Variants in ADAMTS13 observed in about 807,000 individuals in gnomAD.
The protein encoded by ADAMTS13 is ADAM metallopeptidase with thrombospondin type 1 motif 13.
Under a neutral mutation model 155.1 loss-of-function variants are expected in ADAMTS13, and 110 were observed. The observed-to-expected ratio is 0.71, with a 90% confidence interval of 0.61 to 0.83. The LOEUF is 0.83. Ranked by LOEUF, ADAMTS13 falls within the 40% of genes least tolerant of loss-of-function variation. The pLI is 0.00. For synonymous variants in ADAMTS13, 758 were observed against 756.4 expected (o/e 1.00, Z -0.03); for missense variants, 1,707 against 1,891.7 (o/e 0.90, Z 1.81).
chr9:133,432,220 G>A lies in ADAMTS13; in HGVS notation c.988-368G>A, dbSNP rs192382129. The stretch of plus-strand genomic sequence containing the variant: ...GCAGAGGTTGAGGTGAGCCAAGATC[G>A]CGCCATTGCCCTCCAGCCTGGGCAA... On this transcript the variant is annotated intron_variant, in intron 8 of 28. Transcript: ENST00000355699. Among the ~76,000 whole-genome samples, 737 of 152,226 alleles carry A rather than the reference G, an allele frequency of 4.8e-3. 4 individuals are homozygous for A. Among genetic ancestry groups the A allele is most frequent in the Non-Finnish European group, 5.6e-3 (378 of 68,018 alleles).
intron 11 of ADAMTS13, among the ~76,000 whole-genome samples, chr9:133,435,173 T>C (rs1217980627): frequency 6.6e-6 from 1 of 152,004 alleles, no homozygotes; most frequent in Admixed American, 6.6e-5. Context: ...GGGAATTGTA[T>C]GTTTGACTTT....
upstream of ADAMTS13, among the ~76,000 whole-genome samples, chr9:133,418,508 TGTAGAA>T (rs1029800529): frequency 6.6e-6 from 1 of 152,176 alleles, no homozygotes; most frequent in African/African-American, 2.4e-5. Flanking sequence ...GACACCGAAT[TGTAGAA>T]GGAAAGGGCT....
upstream of ADAMTS13, chr9:133,422,320 G>A: frequency 1.0e-6 from 1 of 976,206 alleles, no homozygotes; most frequent in Non-Finnish European, 1.6e-6. Context: ...GCTTCCAAGA[G>A]TAAACACTGC....
At chr9:133,420,622 T>C (rs1205834346), upstream of ADAMTS13, among the ~76,000 whole-genome samples, 1 of 152,204 alleles carries the variant, frequency 6.6e-6, no homozygotes. Flanking sequence ...TCTGGCGGCA[T>C]AAACAGGAAC....
chr9:133,417,780 G>A, upstream of ADAMTS13: 3 of 1,611,136 alleles, frequency 1.9e-6, no homozygotes, highest in Non-Finnish European at 2.5e-6. Context: ...CGTCTTGACA[G>A]GACCCGGCTT....
upstream of ADAMTS13, among the ~76,000 whole-genome samples, chr9:133,420,178 A>G (rs964106557): frequency 1.3e-5 from 2 of 152,210 alleles, no homozygotes; most frequent in African/African-American, 2.4e-5. Context: ...TGTTGGGATT[A>G]CAGGCGTGAG....
At position 133,445,831 on chromosome 9, in the gene ADAMTS13, C is replaced by G. The variant is rs782782086; in HGVS notation, c.2731+12C>G. ...CTCCTGCGGGCGAGGTGAGGGCCCCCGGGATGCTCCTGGGGACCAGCACTC... is the reference window on the plus strand; with the variant it reads ...CTCCTGCGGGCGAGGTGAGGGCCCCGGGGATGCTCCTGGGGACCAGCACTC... On this transcript the variant is annotated intron_variant, in intron 21 of 28. Transcript: ENST00000355699. The surrounding 1 kb of genome is among the most constrained non-coding windows in gnomAD (Gnocchi z 5.0). The G allele has an allele frequency of 1.3e-6, 2 of 1,566,620 alleles. No homozygotes were observed. Among genetic ancestry groups the G allele is most frequent in the Non-Finnish European group, 1.7e-6 (2 of 1,150,052 alleles).
chr9:133,439,613 T>C (rs1841512427), intron 15 of ADAMTS13, among the ~76,000 whole-genome samples, 167 bp downstream of exon 15: 1 of 152,232 alleles, frequency 6.6e-6, no homozygotes, highest in African/African-American at 2.4e-5. Flanking sequence ...CACTGAGAGC[T>C]GTGGCACATG....
At chr9:133,435,616 G>T (rs192135528) in intron 11 of ADAMTS13, among the ~76,000 whole-genome samples, 1,557 of 149,610 alleles carry the variant, frequency 0.01, 31 homozygotes, top group African/African-American at 0.037. Context: ...TCTAAGCTCC[G>T]CCTCCCAGGT....
At chr9:133,416,967 A>G (rs1839659128) in intron 1 of ADAMTS13, among the ~76,000 whole-genome samples, 1 of 152,188 alleles carries the variant, frequency 6.6e-6, no homozygotes, top group Non-Finnish European at 1.5e-5. Context: ...ACTTCTACAC[A>G]GGAATCTTCT....
chr9:133,437,007 C>T (rs782606867), intron 12 of ADAMTS13, 52 bp downstream of exon 12: 26 of 1,568,298 alleles, frequency 1.7e-5, no homozygotes, highest in African/African-American at 9.4e-5. Context: ...TGGAGACCCT[C>T]GGACAGGGCA....
chr9:133,427,189 G>A (rs1840344630), intron 6 of ADAMTS13, among the ~76,000 whole-genome samples: 2 of 152,280 alleles, frequency 1.3e-5, no homozygotes, highest in South Asian at 4.1e-4. Flanking sequence ...GTATCTTAGA[G>A]GTGTGCACCG....
At chr9:133,417,670 G>A, upstream of ADAMTS13, 5 of 1,614,106 alleles carry the variant, frequency 3.1e-6, no homozygotes, top group Non-Finnish European at 4.2e-6. Context: ...GCCTTTGGAG[G>A]TCGCACCACA....
intron 18 of ADAMTS13, 136 bp from the exon 19 acceptor site, chr9:133,443,240 C>A: frequency 1.8e-6 from 2 of 1,121,798 alleles, no homozygotes; most frequent in Non-Finnish European, 2.6e-6. Flanking sequence ...AGCCTGGGAA[C>A]ACCTGGAGAG....
chr9:133,417,723 T>C, upstream of ADAMTS13: 1 of 1,614,146 alleles, frequency 6.2e-7, no homozygotes, highest in Non-Finnish European at 8.5e-7. Context: ...TTCCCGCGCC[T>C]TGCTTTTCCA....
In ADAMTS13 at chr9:133,428,712, GC is replaced by G; in HGVS notation, c.769del (p.Arg257AlafsTer15). ...GHVMASDGAA[P>X]RAGLAWSPCS... is the part of the protein sequence containing the mutation. Reference sequence around the variant, plus strand: ...ACGTGATGGCTTCGGACGGCGCCGCGCCCCGCGCCGGCCTCGCCTGGTCCCC... The same window carrying G: ...ACGTGATGGCTTCGGACGGCGCCGCGCCCGCGCCGGCCTCGCCTGGTCCCC... On this transcript the variant is annotated frameshift_variant, in exon 7 of 29. Coordinates refer to ENST00000355699, the MANE Select transcript of ADAMTS13 (RefSeq NM_139027.6). LOFTEE classifies it high-confidence loss of function. 7.4e-7 allele frequency: 1 copy of G among 1,353,070 alleles called. No individual in the cohort carries two copies. The highest frequency in any genetic ancestry group is 1.8e-5 in the South Asian group (1 of 57,086). The allele number at this position is 1,353,070 out of a possible 1,614,324, so 83.8% of individuals were successfully genotyped here.
At chr9:133,452,525 C>T (rs1842494964) in intron 23 of ADAMTS13, among the ~76,000 whole-genome samples, 1 of 152,158 alleles carries the variant, frequency 6.6e-6, no homozygotes, top group Admixed American at 6.5e-5. Context: ...TTTTCCACAT[C>T]ACATTTAGAG....
intron 2 of ADAMTS13, 59 bp downstream of exon 2, chr9:133,423,226 C>G: frequency 6.6e-7 from 1 of 1,505,108 alleles, no homozygotes; most frequent in South Asian, 1.1e-5. Context: ...CAAGGGGTAT[C>G]TCACCACTGA....
chr9:133,443,304 C>T, intron 18 of ADAMTS13, 72 bp from the exon 19 acceptor site: 1 of 1,522,938 alleles, frequency 6.6e-7, no homozygotes, highest in Non-Finnish European at 8.8e-7. Flanking sequence ...AGTACATCAG[C>T]ACCTGCCACC....
Sources: allele counts gnomAD v4.1 joint callset (sites outside exome capture counted in the v4.1 genomes callset), GRCh38; gene constraint gnomAD v4.1.1; non-coding constraint Gnocchi (gnomAD v3.1); transcripts MANE v1.5; gene names NCBI Gene and HGNC (gene_info 2026-07-23, HGNC 2026-07-21).